IVD: variants seen among roughly 807,000 people sequenced by gnomAD.
The protein encoded by IVD is isovaleryl-CoA dehydrogenase.
In IVD, 31 loss-of-function variants were observed where a neutral mutation model predicts 51.3. The ratio of observed to expected loss-of-function variants is 0.60; its 90% CI spans 0.45 to 0.81. The LOEUF is 0.81. Among genes scored for constraint, IVD ranks in the 40% least tolerant of loss-of-function variants. The probability of loss-of-function intolerance (pLI) is 0.00; values close to 1 mark genes in which losing one functional copy is unlikely to be tolerated. For synonymous variants in IVD, 205 were observed against 219.4 expected, an observed-to-expected ratio of 0.93 and a Z score of 0.58; for missense variants, 475 against 552.0, an observed-to-expected ratio of 0.86 and a Z score of 1.40.
At chr15:40,428,159 G>A (rs139935083), downstream of IVD, among the ~76,000 whole-genome samples, 381 of 150,734 alleles carry the variant, frequency 2.5e-3, no homozygotes, top group African/African-American at 9.1e-3. Flanking sequence ...TCCAGCCTGG[G>A]TGACAGAGTG....
At chr15:40,406,053 C>T (rs574103663) in intron 1 of IVD, 82 bp downstream of exon 1, 1 of 1,478,246 alleles carries the variant, frequency 6.8e-7, no homozygotes, top group African/African-American at 1.4e-5. Flanking sequence ...TGGTCCCCAT[C>T]GGCCCAGCGC....
chr15:40,409,181 C>A (rs1378208163), intron 3 of IVD, among the ~76,000 whole-genome samples: 1 of 152,124 alleles, frequency 6.6e-6, no homozygotes, highest in Non-Finnish European at 1.5e-5. Flanking sequence ...TACCCCACTC[C>A]CTGCAGACAA....
At chr15:40,416,212 G>A (rs369969876) in intron 10 of IVD, 30 bp downstream of exon 10, 32 of 1,611,502 alleles carry the variant, frequency 2.0e-5, no homozygotes, top group African/African-American at 2.7e-5. Flanking sequence ...GGGGAGAGGC[G>A]GGGGCAGTGG....
intron 7 of IVD, among the ~76,000 whole-genome samples, chr15:40,431,659 C>A (rs1892983346): frequency 6.6e-6 from 1 of 151,364 alleles, no homozygotes; most frequent in Non-Finnish European, 1.5e-5. Flanking sequence ...CACGCCACTG[C>A]ACTCCAGCCT....
Position 40,412,183 on chromosome 15 carries a change from A to G in IVD, c.687+492A>G, listed in dbSNP as rs576644450. On this transcript the variant is annotated intron_variant, in intron 6 of 11. Coordinates refer to ENST00000487418, the MANE Select transcript of IVD (RefSeq NM_002225.5). ...GGTCAGAAGGAAAAAAAAGGGAAGA[A>G]AAAAGAAAATAGAGGGAGAAATTGA... is the stretch of plus-strand genomic sequence containing the variant. Among the ~76,000 whole-genome samples, 30 of 152,356 alleles carry G rather than the reference A, an allele frequency of 2.0e-4. 1 individual carries two copies. The South Asian group carries it at 6.2e-3, about 32-fold the overall frequency.
chr15:40,416,211 C>G (rs772925041), intron 10 of IVD, 29 bp downstream of exon 10: 1 of 1,612,276 alleles, frequency 6.2e-7, no homozygotes, highest in South Asian at 1.1e-5. Flanking sequence ...CGGGGAGAGG[C>G]GGGGGCAGTG....
intron 8 of IVD, among the ~76,000 whole-genome samples, chr15:40,435,065 C>T (rs753761493): frequency 2.0e-5 from 3 of 152,154 alleles, no homozygotes; most frequent in African/African-American, 4.8e-5. Context: ...TGTGAAATGG[C>T]GATAGTAATT....
At position 40,407,675 on chromosome 15, in the gene IVD, G is replaced by A. The variant is rs1243838514; in HGVS notation, c.184G>A (p.Ala62Thr). ...GGCTAAGTTCCTTCAGGAGCACCTGGCCCCCAAGGCCCAGGAGATCGATCG... is the reference window on the plus strand; with the variant it reads ...GGCTAAGTTCCTTCAGGAGCACCTGACCCCCAAGGCCCAGGAGATCGATCG... ...TMAKFLQEHL[A>T]PKAQEIDRSN... Residue 62 changes from alanine (A) to threonine (T), a missense_variant, in exon 2 of 12, where the codon GCC becomes ACC. Coordinates refer to ENST00000487418, the MANE Select transcript of IVD (RefSeq NM_002225.5). The A allele has an allele frequency of 6.2e-7, 1 of 1,614,136 alleles. No individual in the cohort carries two copies. Among genetic ancestry groups the A allele is most frequent in the Admixed American group, 1.7e-5 (1 of 60,008 alleles).
At chr15:40,423,135 C>T (rs1347625617), downstream of IVD, among the ~76,000 whole-genome samples, 1 of 151,338 alleles carries the variant, frequency 6.6e-6, no homozygotes, top group African/African-American at 2.4e-5. Flanking sequence ...GCCGGGCTTT[C>T]ACCATGTTGT....
chr15:40,407,598 C>T (rs1279582076), intron 1 of IVD, 38 bp from the exon 2 acceptor site: 2 of 1,441,012 alleles, frequency 1.4e-6, no homozygotes, highest in Non-Finnish European at 2.0e-6. Flanking sequence ...AGTGGAGATG[C>T]TGTCTGCAGT....
chr15:40,431,100 T>A (rs1566952262), intron 7 of IVD, among the ~76,000 whole-genome samples: 1 of 151,778 alleles, frequency 6.6e-6, no homozygotes, highest in Non-Finnish European at 1.5e-5. Context: ...AAGGCTGGGA[T>A]GTAAACCCTG....
At chr15:40,409,897 C>T (rs1270195248) in intron 3 of IVD, among the ~76,000 whole-genome samples, 6 of 146,952 alleles carry the variant, frequency 4.1e-5, no homozygotes, top group Admixed American at 6.9e-5. Context: ...AGTGCAGTGG[C>T]GCGATCTCGG....
chr15:40,431,320 C>T (rs1472107406), intron 7 of IVD, among the ~76,000 whole-genome samples: 2 of 151,930 alleles, frequency 1.3e-5, no homozygotes, highest in East Asian at 1.9e-4. Flanking sequence ...GGGAAGTTAC[C>T]GAACCTCTCT....
intron 6 of IVD, chr15:40,412,646 GGGAATTGACC>G: frequency 2.8e-6 from 1 of 356,948 alleles, no homozygotes; most frequent in East Asian, 7.0e-5. Flanking sequence ...CAGAGGATAA[GGGAATTGACC>G]GGGCTGGTGA....
At chr15:40,418,036 C>T (rs1891899573) in intron 11 of IVD, 94 bp from the exon 12 acceptor site, 4 of 1,560,860 alleles carry the variant, frequency 2.6e-6, no homozygotes, top group Non-Finnish European at 3.5e-6. Context: ...TCACCCTCTC[C>T]TCCTGTGGCC....
intron 6 of IVD, chr15:40,412,669 G>A (rs1009344149): frequency 1.8e-5 from 7 of 378,862 alleles, no homozygotes; most frequent in Non-Finnish European, 3.5e-5. Context: ...GCTGGTGACA[G>A]TGTCTTGGAA....
chr15:40,416,409 G>T, intron 11 of IVD, 47 bp downstream of exon 11: 11 of 1,565,708 alleles, frequency 7.0e-6, no homozygotes, highest in Non-Finnish European at 9.7e-6. Flanking sequence ...CACTCCTGGG[G>T]CCTGTGGCTG....
rs1352255420 is a variant in IVD, at chr15:40,419,216, CAT to C, written c.*956_*957del. On this transcript the variant is annotated 3_prime_UTR_variant, in exon 12 of 12. Coordinates refer to ENST00000487418, the MANE Select transcript of IVD (RefSeq NM_002225.5). ...ATCAGCTCCTAGCAGCTTATGAACACATATGCTTGCTTGGCCAGGCAAGGTGG... is the reference window on the plus strand; with the variant it reads ...ATCAGCTCCTAGCAGCTTATGAACACATGCTTGCTTGGCCAGGCAAGGTGG... 2.1e-5 allele frequency: 27 copies of C among 1,289,228 alleles called. No individual in the cohort carries two copies. The East Asian group carries it at 1.4e-3, about 66-fold the overall frequency. 79.9% of individuals were successfully genotyped at this position (1,289,228 alleles called of 1,614,324 possible). A position where few individuals can be genotyped will look rare whatever the true frequency, so the allele number is the denominator to read the frequency against.
At chr15:40,423,342 T>G (rs1468303060), downstream of IVD, among the ~76,000 whole-genome samples, 2 of 152,242 alleles carry the variant, frequency 1.3e-5, no homozygotes. Context: ...CTATCCCCAT[T>G]CCCACTCCCA....
Sources: gnomAD v4.1 joint callset for allele counts (sites outside exome capture counted in the v4.1 genomes callset) on GRCh38, gnomAD v4.1.1 for gene constraint, MANE v1.5 for transcripts, NCBI Gene and HGNC (gene_info 2026-07-23, HGNC 2026-07-21) for gene names.